The following PALLD variants were observed in gnomAD, a reference collection of about 807,000 sequenced individuals.
PALLD encodes the protein palladin.
Under a neutral mutation model 123.5 loss-of-function variants are expected in PALLD, and 61 were observed. That is an observed-to-expected ratio of 0.49 (90% CI 0.40 to 0.61). PALLD has a LOEUF of 0.61. Among genes scored for constraint, PALLD ranks in the 20% least tolerant of loss-of-function variants. The pLI is 0.00. For missense variants in PALLD, 1,273 were observed against 1,377.0 expected, an observed-to-expected ratio of 0.92 and a Z score of 1.20; for synonymous variants, 465 against 496.4, an observed-to-expected ratio of 0.94 and a Z score of 0.84.
chr4:168,624,933 A>T (rs796130124), intron 2 of PALLD, among the ~76,000 whole-genome samples: 24 of 152,290 alleles, frequency 1.6e-4, no homozygotes, highest in African/African-American at 5.8e-4. Flanking sequence ...AGAAAGATCT[A>T]CCTTTTTCTT....
intron 8 of PALLD, chr4:168,700,484 G>A (rs969321174): frequency 1.3e-5 from 2 of 152,140 alleles, no homozygotes; most frequent in Non-Finnish European, 2.9e-5. Flanking sequence ...ACACACAAAG[G>A]AAGCTTGTAG....
intron 2 of PALLD, among the ~76,000 whole-genome samples, chr4:168,535,103 G>A (rs1764973638): frequency 6.6e-6 from 1 of 152,230 alleles, no homozygotes; most frequent in Admixed American, 6.5e-5. Flanking sequence ...AAGGTATACT[G>A]GAGGATGTGC....
chr4:168,597,310 T>C (rs1270340356), intron 2 of PALLD, among the ~76,000 whole-genome samples: 2 of 152,234 alleles, frequency 1.3e-5, no homozygotes, highest in African/African-American at 4.8e-5. Flanking sequence ...GGCACTCTCA[T>C]AAATTCAGGG....
At chr4:168,920,288 C>T (rs1761185098) in intron 17 of PALLD, among the ~76,000 whole-genome samples, 1 of 152,194 alleles carries the variant, frequency 6.6e-6, no homozygotes, top group South Asian at 2.1e-4. Context: ...ACCTCTTCAT[C>T]CTTTTAACCA....
At chr4:168,691,592 C>A (rs1222699030) in intron 8 of PALLD, among the ~76,000 whole-genome samples, 1 of 152,104 alleles carries the variant, frequency 6.6e-6, no homozygotes, top group Non-Finnish European at 1.5e-5. Context: ...GCAAACTAAG[C>A]TGATGATGAA....
intron 2 of PALLD, among the ~76,000 whole-genome samples, chr4:168,665,977 C>G (rs78294704): frequency 1.0e-5 from 1 of 96,292 alleles, no homozygotes; most frequent in East Asian, 2.4e-4. Context: ...CCGCCCCCCA[C>G]CAAAAAAAAA....
intron 14 of PALLD, among the ~76,000 whole-genome samples, chr4:168,899,814 G>C (rs191274184): frequency 3.3e-5 from 5 of 152,146 alleles, no homozygotes; most frequent in African/African-American, 1.2e-4. Context: ...CTACTTGGGA[G>C]GCTGAGGCAG....
At chr4:168,557,788 C>T (rs893231033) in intron 2 of PALLD, among the ~76,000 whole-genome samples, 3 of 152,148 alleles carry the variant, frequency 2.0e-5, no homozygotes, top group African/African-American at 7.2e-5. Context: ...GAGATTTTCT[C>T]CCCTACCCCA....
At chr4:168,813,965 G>A (rs1057459647) in intron 10 of PALLD, among the ~76,000 whole-genome samples, 2 of 152,146 alleles carry the variant, frequency 1.3e-5, no homozygotes, top group African/African-American at 4.8e-5. Flanking sequence ...GAGCCCAGGG[G>A]AAGATGAGAG....
intron 8 of PALLD, among the ~76,000 whole-genome samples, chr4:168,704,400 G>A (rs151083643): frequency 8.1e-4 from 124 of 152,200 alleles, no homozygotes; most frequent in Non-Finnish European, 1.5e-3. Flanking sequence ...GACTGGACGC[G>A]GTGGCTCACG....
At chr4:168,731,805 A>G (rs1295093948) in intron 10 of PALLD, among the ~76,000 whole-genome samples, 4 of 152,258 alleles carry the variant, frequency 2.6e-5, no homozygotes, top group African/African-American at 4.8e-5. Context: ...TGGAAATTGC[A>G]TATATGAACT....
chr4:168,884,066 A>G (rs1753005475), intron 10 of PALLD, among the ~76,000 whole-genome samples: 1 of 152,148 alleles, frequency 6.6e-6, no homozygotes, highest in Non-Finnish European at 1.5e-5. Context: ...ACCATCTTAC[A>G]TTAAACTCTA....
intron 2 of PALLD, among the ~76,000 whole-genome samples, chr4:168,608,845 TAAC>T (rs1477192651): frequency 2.5e-4 from 36 of 142,932 alleles, no homozygotes; most frequent in African/African-American, 8.8e-4. Context: ...CGGAAAGCTA[TAAC>T]TATTTTTTTT....
At chr4:168,675,271 C>T (rs566012726) in intron 3 of PALLD, among the ~76,000 whole-genome samples, 83 of 152,096 alleles carry the variant, frequency 5.5e-4, no homozygotes, top group Non-Finnish European at 9.1e-4. Flanking sequence ...GGCAGGGCAG[C>T]GTTAAAAAGG....
intron 2 of PALLD, among the ~76,000 whole-genome samples, chr4:168,551,106 A>T (rs1766686157): frequency 6.6e-6 from 1 of 152,230 alleles, no homozygotes; most frequent in South Asian, 2.1e-4. Flanking sequence ...TACAAATCAC[A>T]GAAAGCCAAA....
intron 10 of PALLD, among the ~76,000 whole-genome samples, chr4:168,813,759 T>C (rs1741513228): frequency 6.6e-6 from 1 of 152,216 alleles, no homozygotes; most frequent in South Asian, 2.1e-4. Flanking sequence ...TGTATGATTC[T>C]GTCTCGCATA....
intron 11 of PALLD, 165 bp from the exon 12 acceptor site, chr4:168,894,414 T>C: frequency 1.5e-6 from 1 of 653,632 alleles, no homozygotes; most frequent in African/African-American, 1.8e-5. Flanking sequence ...GGTAAAAAGG[T>C]AGAACAACTG....
intron 2 of PALLD, among the ~76,000 whole-genome samples, chr4:168,544,941 A>C (rs760200224): frequency 2.6e-5 from 4 of 152,160 alleles, no homozygotes; most frequent in Non-Finnish European, 5.9e-5. Context: ...ACACGTGCCT[A>C]TATATGACCG....
chr4:168,804,570 C>T (rs1221639220), intron 10 of PALLD, among the ~76,000 whole-genome samples: 1 of 152,222 alleles, frequency 6.6e-6, no homozygotes, highest in Non-Finnish European at 1.5e-5. Flanking sequence ...AATAGGCCCC[C>T]ATCAGCCCAT....
Sources: gnomAD v4.1 joint callset for allele counts (sites outside exome capture counted in the v4.1 genomes callset) on GRCh38, gnomAD v4.1.1 for gene constraint, MANE v1.5 for transcripts, NCBI Gene and HGNC (gene_info 2026-07-23, HGNC 2026-07-21) for gene names.